THNSL1: variants seen among roughly 807,000 people sequenced by gnomAD.
The protein encoded by THNSL1 is threonine synthase like 1, also known as threonine synthase-like 1.
THNSL1 carries 48 observed loss-of-function variants against 50.4 expected under a neutral mutation model. The observed-to-expected ratio is 0.95, with a 90% CI of 0.76 to 1.21. THNSL1 has a LOEUF of 1.21. Among genes scored for constraint, THNSL1 ranks in the 50% most tolerant of loss-of-function variants. The pLI is 0.00. For synonymous variants in THNSL1, 309 were observed against 306.1 expected (o/e 1.01, Z -0.10); for missense variants, 896 against 871.7 (o/e 1.03, Z -0.35).
rs1212742150 is a variant in THNSL1 at position 25,024,753 on chromosome 10, C to G, written c.1530C>G (p.Asn510Lys). 1.2e-6 allele frequency: 2 copies of G among 1,614,068 alleles called. No homozygotes were observed. The highest frequency in any genetic ancestry group is 2.2e-5 in the South Asian group (2 of 91,056). The change falls in exon 3 of 3, where the codon AAC becomes AAG. Residue 510 changes from asparagine to lysine, a missense_variant. Physicochemically the swap from Asn to Lys is moderately conservative, Grantham distance 94. Coordinates refer to ENST00000376356, the MANE Select transcript of THNSL1 (RefSeq NM_024838.5). Reference sequence around the variant, plus strand: ...TCGATGTCTGTATTCCCACAGGAAACTTTGGTAACATTTTAGCAGCAGTGT... The same window carrying G: ...TCGATGTCTGTATTCCCACAGGAAAGTTTGGTAACATTTTAGCAGCAGTGT... Reference protein sequence around the residue: ...SPVDVCIPTGNFGNILAAVYA... With the variant: ...SPVDVCIPTGKFGNILAAVYA...
chr10:24,993,078 G>C, the THNSL1 span, among the ~76,000 whole-genome samples: 1 of 152,102 alleles, frequency 6.6e-6, no homozygotes. Flanking sequence ...AGAACTGCTT[G>C]AGCCCAAAAG....
At chr10:24,998,352 T>C in the THNSL1 span, among the ~76,000 whole-genome samples, 1 of 126,342 alleles carries the variant, frequency 7.9e-6, no homozygotes, top group Admixed American at 8.3e-5. Flanking sequence ...CCTCCCTTCC[T>C]TCCTTCCTCT....
At chr10:24,992,789 T>A in the THNSL1 span, among the ~76,000 whole-genome samples, 1 of 152,162 alleles carries the variant, frequency 6.6e-6, no homozygotes, top group Admixed American at 6.5e-5. Context: ...ATCCTAGATA[T>A]AAATGTGTTC....
the THNSL1 span, chr10:24,995,981 A>G: frequency 1.3e-6 from 1 of 782,582 alleles, no homozygotes; most frequent in South Asian, 2.5e-5. Context: ...CAGTCATAAT[A>G]TATTTAAATA....
the THNSL1 span, among the ~76,000 whole-genome samples, chr10:24,967,762 G>A: frequency 6.6e-6 from 1 of 151,694 alleles, no homozygotes; most frequent in Admixed American, 6.6e-5. Context: ...GTATGTATAT[G>A]CACGATGTGT....
Position 25,025,686 on chromosome 10 carries a change from A to G in THNSL1, c.*231A>G. 1 of 481,324 alleles carries G rather than the reference A, an allele frequency of 2.1e-6. No homozygotes were observed. Among genetic ancestry groups the G allele is most frequent in the Non-Finnish European group, 3.8e-6 (1 of 265,300 alleles). 29.8% of individuals were successfully genotyped at this position (481,324 alleles called of 1,614,324 possible). On this transcript the variant is annotated 3_prime_UTR_variant, in exon 3 of 3. Transcript: ENST00000376356. ...AGTGCACGGACCTTTGAGCTATCAT[A>G]CTTTTGCCTTCTGCTCATGAGGGGT... is the stretch of plus-strand genomic sequence containing the variant.
At chr10:24,993,583 T>C in the THNSL1 span, among the ~76,000 whole-genome samples, 1 of 152,248 alleles carries the variant, frequency 6.6e-6, no homozygotes, top group Non-Finnish European at 1.5e-5. Flanking sequence ...AAATATGACA[T>C]TGACTTTAAA....
At chr10:24,957,526 G>C in the THNSL1 span, among the ~76,000 whole-genome samples, 1 of 152,146 alleles carries the variant, frequency 6.6e-6, no homozygotes, top group African/African-American at 2.4e-5. Flanking sequence ...TGTTGCCCAG[G>C]CTGGAGTGCA....
chr10:24,988,966 G>A, the THNSL1 span, among the ~76,000 whole-genome samples: 3 of 151,740 alleles, frequency 2.0e-5, no homozygotes, highest in South Asian at 2.1e-4. Flanking sequence ...CTCATAAGGC[G>A]TCCAGTGGAT....
At position 25,023,787 on chromosome 10, in the gene THNSL1, T is replaced by G; in HGVS notation, c.564T>G (p.Phe188Leu). The change falls in exon 3 of 3, where the codon TTT becomes TTG. Residue 188 changes from phenylalanine (F) to leucine (L), a missense_variant. Transcript: ENST00000376356. The stretch of plus-strand genomic sequence containing the variant: ...CATCTATGAAAGACTTACTTAAATT[T>G]AGAAGACAGTATTATAAGAAGTGGT... ...SGTSMKDLLK[F>L]RRQYYKKWYD... 1.2e-6 allele frequency: 2 copies of G among 1,614,146 alleles called. No individual in the cohort carries two copies. The highest frequency in any genetic ancestry group is 1.1e-5 in the South Asian group (1 of 91,080).
the THNSL1 span, among the ~76,000 whole-genome samples, chr10:24,953,853 T>C: frequency 1.3e-5 from 2 of 152,214 alleles, no homozygotes; most frequent in Non-Finnish European, 2.9e-5. Flanking sequence ...CATTCAGACT[T>C]GGCGCCCTGG....
chr10:25,024,766 T>G lies in THNSL1; in HGVS notation c.1543T>G (p.Leu515Val). 6.2e-7 allele frequency: 1 copy of G among 1,614,230 alleles called. No individual in the cohort carries two copies. The highest frequency in any genetic ancestry group is 8.5e-7 in the Non-Finnish European group (1 of 1,180,044). Residue 515 changes from leucine (L) to valine (V), a missense_variant, in exon 3 of 3, where the codon TTA becomes GTA. Leu to Val is a conservative substitution (Grantham distance 32, BLOSUM62 1). Coordinates refer to ENST00000376356, the MANE Select transcript of THNSL1 (RefSeq NM_024838.5). ...CIPTGNFGNI[L>V]AAVYAKMMGI... ...TCCCACAGGAAACTTTGGTAACATTTTAGCAGCAGTGTATGCCAAAATGAT... is the reference window on the plus strand; with the variant it reads ...TCCCACAGGAAACTTTGGTAACATTGTAGCAGCAGTGTATGCCAAAATGAT...
At chr10:24,972,245 C>T in the THNSL1 span, among the ~76,000 whole-genome samples, 12 of 148,608 alleles carry the variant, frequency 8.1e-5, no homozygotes, top group South Asian at 4.2e-4. Flanking sequence ...TGGTGGCTCG[C>T]GCCTGTAATC....
chr10:24,958,096 A>T, the THNSL1 span, among the ~76,000 whole-genome samples: 1 of 152,212 alleles, frequency 6.6e-6, no homozygotes. Flanking sequence ...GTGACACTAG[A>T]TTGGAAATAC....
chr10:24,999,575 T>C, the THNSL1 span: 1 of 1,550,538 alleles, frequency 6.4e-7, no homozygotes. Context: ...AGTTGTAGCA[T>C]TTATACTTCT....
In THNSL1 at chr10:25,018,613, C is replaced by T. The variant is rs1850656303; in HGVS notation, c.-216+1921C>T. 1.0e-4 allele frequency among the ~76,000 whole-genome samples: 15 copies of T among 150,618 alleles called. 1 individual carries two copies. In the South Asian group the frequency reaches 3.2e-3, roughly 32 times the overall value. On this transcript the variant is annotated intron_variant, in intron 1 of 2. Transcript: ENST00000376356. ...TGTAGTTTGCACAGATCCTAGATCC[C>T]CGTATATAATGGTATGCCTGTGATG...
chr10:24,965,734 C>A, the THNSL1 span, among the ~76,000 whole-genome samples: 1 of 152,174 alleles, frequency 6.6e-6, no homozygotes. Context: ...GATTTTTCTT[C>A]TGGAACAACA....
the THNSL1 span, among the ~76,000 whole-genome samples, chr10:24,956,461 A>AT: frequency 9.3e-3 from 973 of 105,174 alleles, 6 homozygotes; most frequent in East Asian, 0.03. Flanking sequence ...TCTGCATTTT[A>AT]TTTATTTTTT....
chr10:25,010,601 C>G, the THNSL1 span, among the ~76,000 whole-genome samples: 1 of 151,334 alleles, frequency 6.6e-6, no homozygotes, highest in Non-Finnish European at 1.5e-5. Context: ...CCCCTACCCC[C>G]ACCCCACAAC....
Sources: allele counts gnomAD v4.1 joint callset (sites outside exome capture counted in the v4.1 genomes callset), GRCh38; gene constraint gnomAD v4.1.1; transcripts MANE v1.5; gene names NCBI Gene and HGNC (gene_info 2026-07-23, HGNC 2026-07-21).